The following BCL2L13 variants were observed in gnomAD, a reference collection of about 807,000 sequenced individuals.
The protein encoded by BCL2L13 is bcl-2-like protein 13.
Under a neutral mutation model 25.8 loss-of-function variants are expected in BCL2L13, and 13 were observed. The ratio of observed to expected loss-of-function variants is 0.50; its 90% CI spans 0.33 to 0.80. The LOEUF is 0.80. BCL2L13 is among the 30% of genes least tolerant of loss of function. The pLI is 0.02. For synonymous variants in BCL2L13, 244 were observed against 230.3 expected, an observed-to-expected ratio of 1.06 and a Z score of -0.54; for missense variants, 504 against 574.9, an observed-to-expected ratio of 0.88 and a Z score of 1.26.
chr22:17,726,350 TAAA>T (rs56121786), intron 6 of BCL2L13, among the ~76,000 whole-genome samples: 43 of 137,076 alleles, frequency 3.1e-4, no homozygotes, highest in Middle Eastern at 3.8e-3. Context: ...GACTCCATCT[TAAA>T]AAAAAAAAAA....
At chr22:17,715,147 TATATATATATATATATATATA>T (rs2060891339) in intron 6 of BCL2L13, among the ~76,000 whole-genome samples, 2 of 9,558 alleles carry the variant, frequency 2.1e-4, no homozygotes, top group African/African-American at 3.6e-4. Context: ...TATATATATA[TATATATATATATATATATATA>T]TATTTTTTTT....
At chr22:17,672,627 TGGTC>T (rs2059449688) in intron 2 of BCL2L13, among the ~76,000 whole-genome samples, 1 of 152,236 alleles carries the variant, frequency 6.6e-6, no homozygotes, top group Admixed American at 6.5e-5. Flanking sequence ...TCTGTGTCAC[TGGTC>T]AGCTAAATAA....
intron 6 of BCL2L13, among the ~76,000 whole-genome samples, chr22:17,725,033 A>T (rs915358629): frequency 4.6e-5 from 7 of 152,222 alleles, no homozygotes; most frequent in Non-Finnish European, 8.8e-5. Context: ...GATAAGCAGT[A>T]GGCACACGGT....
At chr22:17,636,448 T>C (rs2058108200), upstream of BCL2L13, among the ~76,000 whole-genome samples, 1 of 151,800 alleles carries the variant, frequency 6.6e-6, no homozygotes, top group Admixed American at 6.6e-5. Context: ...GGTATGATTG[T>C]ACCACTGCAC....
intron 6 of BCL2L13, among the ~76,000 whole-genome samples, chr22:17,716,222 G>C (rs2060941745): frequency 1.3e-5 from 2 of 152,236 alleles, no homozygotes; most frequent in African/African-American, 4.8e-5. Context: ...GCCAGACCCT[G>C]CTGGAGCCGG....
intron 1 of BCL2L13, among the ~76,000 whole-genome samples, chr22:17,644,331 ATTCT>A (rs1210071285): frequency 6.9e-6 from 1 of 144,842 alleles, no homozygotes; most frequent in Non-Finnish European, 1.5e-5. Flanking sequence ...GCATTTAATA[ATTCT>A]TTTTTTTTTT....
intron 2 of BCL2L13, among the ~76,000 whole-genome samples, chr22:17,657,320 G>A (rs1182896801): frequency 6.6e-6 from 1 of 151,980 alleles, no homozygotes; most frequent in East Asian, 1.9e-4. Flanking sequence ...TGTTTACTCT[G>A]GAAAAATTAT....
chr22:17,716,167 G>C (rs937647378), intron 6 of BCL2L13, among the ~76,000 whole-genome samples: 6 of 152,182 alleles, frequency 3.9e-5, no homozygotes, highest in Non-Finnish European at 7.4e-5. Context: ...CCGTCTAGGA[G>C]TTCAGGAGGA....
chr22:17,700,685 C>T (rs1267428794), intron 5 of BCL2L13, among the ~76,000 whole-genome samples: 2 of 152,080 alleles, frequency 1.3e-5, no homozygotes, highest in African/African-American at 2.4e-5. Flanking sequence ...GAGGAAATGC[C>T]TAATGGATTC....
chr22:17,718,561 A>G (rs906470181), intron 6 of BCL2L13, among the ~76,000 whole-genome samples: 3 of 152,206 alleles, frequency 2.0e-5, no homozygotes, highest in Admixed American at 1.3e-4. Flanking sequence ...CATTATGCCT[A>G]TACTAATGAA....
At chr22:17,692,590 G>C (rs919841936) in intron 4 of BCL2L13, among the ~76,000 whole-genome samples, 1 of 152,204 alleles carries the variant, frequency 6.6e-6, no homozygotes, top group Non-Finnish European at 1.5e-5. Context: ...TAATGGGAAG[G>C]TGATGCCAGG....
chr22:17,661,333 C>T (rs959496518), intron 2 of BCL2L13, among the ~76,000 whole-genome samples: 4 of 145,800 alleles, frequency 2.7e-5, no homozygotes, highest in African/African-American at 9.7e-5. Flanking sequence ...CCTCGTGTTC[C>T]ACCTGCCTCA....
intron 6 of BCL2L13, among the ~76,000 whole-genome samples, chr22:17,708,643 CA>C (rs752132835): frequency 2.5e-4 from 38 of 152,030 alleles, no homozygotes; most frequent in Non-Finnish European, 5.0e-4. Context: ...AAAACAAAAA[CA>C]AAAAAGACGC....
At chr22:17,666,213 A>AT (rs951709438) in intron 2 of BCL2L13, among the ~76,000 whole-genome samples, 2 of 150,764 alleles carry the variant, frequency 1.3e-5, no homozygotes, top group South Asian at 2.1e-4. Flanking sequence ...TTTATTTTTT[A>AT]TTTTTTTAAA....
chr22:17,639,555 T>C (rs1286494964), intron 1 of BCL2L13, among the ~76,000 whole-genome samples: 1 of 152,194 alleles, frequency 6.6e-6, no homozygotes, highest in African/African-American at 2.4e-5. Flanking sequence ...ATCGGACGGA[T>C]CTGGCCAGTT....
At chr22:17,648,013 C>T (rs904968559) in intron 1 of BCL2L13, among the ~76,000 whole-genome samples, 2 of 151,936 alleles carry the variant, frequency 1.3e-5, no homozygotes, top group Admixed American at 1.3e-4. Flanking sequence ...CCCTGTAGTC[C>T]GAGCTGCTTG....
At chr22:17,668,621 G>C (rs916660802) in intron 2 of BCL2L13, among the ~76,000 whole-genome samples, 1 of 151,632 alleles carries the variant, frequency 6.6e-6, no homozygotes, top group African/African-American at 2.4e-5. Context: ...CGTGCACCAC[G>C]ATGCCTGGCT....
In BCL2L13 at chr22:17,659,013, G is replaced by A. The variant is rs1308870568; in HGVS notation, c.121+3181G>A. 6.0e-5 allele frequency among the ~76,000 whole-genome samples: 7 copies of A among 116,690 alleles called. 1 individual carries two copies. The highest frequency in any genetic ancestry group is 2.4e-4 in the East Asian group (1 of 4,114). 76.6% of individuals were successfully genotyped at this position (116,690 alleles called of 152,430 possible). ...GCGGAGGTTGCAGTGAGCTGGGATCGCCCCGCTGCACTCCAGCCTGGACGA... is the reference window on the plus strand; with the variant it reads ...GCGGAGGTTGCAGTGAGCTGGGATCACCCCGCTGCACTCCAGCCTGGACGA... On this transcript the variant is annotated intron_variant, in intron 2 of 6. Transcript: ENST00000317582.
chr22:17,698,368 G>A (rs116127116), intron 5 of BCL2L13, among the ~76,000 whole-genome samples: 2,867 of 151,940 alleles, frequency 0.019, 82 homozygotes, highest in African/African-American at 0.066. Context: ...GCCTCTGTTG[G>A]CCTCCCAAAG....
Sources: gnomAD v4.1 joint callset for allele counts (sites outside exome capture counted in the v4.1 genomes callset) on GRCh38, gnomAD v4.1.1 for gene constraint, MANE v1.5 for transcripts, NCBI Gene and HGNC (gene_info 2026-07-23, HGNC 2026-07-21) for gene names.